Variants in LGALS1 observed in about 807,000 individuals in gnomAD.
The protein encoded by LGALS1 is galectin-1.
A neutral mutation model predicts 14.4 loss-of-function variants in LGALS1; 14 were observed. The observed-to-expected ratio is 0.97, with a 90% CI of 0.64 to 1.52. The LOEUF is 1.52. LGALS1 is among the 40% of genes most tolerant of loss of function. The pLI, the probability that LGALS1 is intolerant of heterozygous loss-of-function variation, is 0.00. For synonymous variants in LGALS1, 71 were observed against 73.4 expected, an observed-to-expected ratio of 0.97 and a Z score of 0.17; for missense variants, 170 against 181.4, an observed-to-expected ratio of 0.94 and a Z score of 0.36.
chr22:37,675,912 A>G (rs1016610691), intron 1 of LGALS1, among the ~76,000 whole-genome samples: 17 of 152,270 alleles, frequency 1.1e-4, no homozygotes, highest in Admixed American at 9.2e-4. Flanking sequence ...CTGCATTGAT[A>G]ATTGTCTGGA....
At chr22:37,677,134 C>A in intron 2 of LGALS1, 69 bp downstream of exon 2, 1 of 1,463,838 alleles carries the variant, frequency 6.8e-7, no homozygotes, top group Non-Finnish European at 9.5e-7. Context: ...CGTGGCCGGC[C>A]AAGCCCACAT....
chr22:37,678,085 G>C (rs1921500016), intron 2 of LGALS1, among the ~76,000 whole-genome samples: 1 of 152,056 alleles, frequency 6.6e-6, no homozygotes, highest in Non-Finnish European at 1.5e-5. Flanking sequence ...CCGTGCCCGG[G>C]AGTATTATTA....
Position 37,675,766 on chromosome 22 carries a change from C to T in LGALS1, c.9+55C>T, listed in dbSNP as rs995523869. ...AGGGGATAGGGCAGGAACTGATGGC[C>T]AGAGGAGAGCTGGGCAGATCGGGAG... On this transcript the variant is annotated intron_variant, in intron 1 of 3. Coordinates refer to ENST00000215909, the MANE Select transcript of LGALS1 (RefSeq NM_002305.4). 4.8e-6 allele frequency: 7 copies of T among 1,445,068 alleles called. No individual in the cohort carries two copies. In the African/African-American group the frequency reaches 8.7e-5, roughly 18 times the overall value. The allele number at this position is 1,445,068 out of a possible 1,614,324, so 89.5% of individuals were successfully genotyped here. A position where few individuals can be genotyped will look rare whatever the true frequency, so the allele number is the denominator to read the frequency against.
chr22:37,676,918 C>G, intron 1 of LGALS1, 68 bp from the exon 2 acceptor site: 2 of 1,550,946 alleles, frequency 1.3e-6, no homozygotes, highest in Non-Finnish European at 1.8e-6. Flanking sequence ...CCCCCAGCCA[C>G]CCCCGGACAC....
chr22:37,678,380 T>C (rs751726668), intron 2 of LGALS1, 103 bp from the exon 3 acceptor site: 5 of 1,289,788 alleles, frequency 3.9e-6, no homozygotes, highest in Non-Finnish European at 5.5e-6. Flanking sequence ...TGTTAGTGAG[T>C]TCTTCCAGCA....
At position 37,675,802 on chromosome 22, in the gene LGALS1, C is replaced by A. The variant is rs948692950; in HGVS notation, c.9+91C>A. 7 of 1,223,246 alleles carry A rather than the reference C, an allele frequency of 5.7e-6. No homozygotes were observed. In the Admixed American group the frequency reaches 1.9e-4, roughly 33 times the overall value. 75.8% of individuals were successfully genotyped at this position (1,223,246 alleles called of 1,614,324 possible). On this transcript the variant is annotated intron_variant, in intron 1 of 3. Coordinates refer to ENST00000215909, the MANE Select transcript of LGALS1 (RefSeq NM_002305.4). ...TGGGCAGATCGGGAGCAGATTCTAG[C>A]CCCAGCTGTGTGGCCTGGAACCAGT...
chr22:37,678,194 C>T lies in LGALS1; in HGVS notation c.90-289C>T, dbSNP rs1044387062. Among the ~76,000 whole-genome samples, 10 of 152,150 alleles carry T rather than the reference C, an allele frequency of 6.6e-5. 1 individual carries two copies. Among genetic ancestry groups the T allele is most frequent in the East Asian group, 5.8e-4 (3 of 5,198 alleles). On this transcript the variant is annotated intron_variant, in intron 2 of 3. Transcript: ENST00000215909. ...GAATACAGAGATGTACAAGACAGGA[C>T]GGGAGGTCACCATCTGGAGGGAGTC...
intron 2 of LGALS1, chr22:37,677,429 C>T (rs940333659): frequency 3.5e-6 from 1 of 289,808 alleles, no homozygotes; most frequent in Non-Finnish European, 6.8e-6. Context: ...TCCCTCCTTC[C>T]TGCGTCTGGT....
Position 37,675,686 on chromosome 22 carries a change from T to A in LGALS1, c.-17T>A. On this transcript the variant is annotated 5_prime_UTR_variant, in exon 1 of 4. Coordinates refer to ENST00000215909, the MANE Select transcript of LGALS1 (RefSeq NM_002305.4). Reference sequence around the variant, plus strand: ...CAGCTGGTGCGCCTGCCCGGGAACATCCTCCTGGACTCAATCATGGCTTGT... The same window carrying A: ...CAGCTGGTGCGCCTGCCCGGGAACAACCTCCTGGACTCAATCATGGCTTGT... 6.5e-7 allele frequency: 1 copy of A among 1,548,838 alleles called. No homozygotes were observed. The highest frequency in any genetic ancestry group is 8.7e-7 in the Non-Finnish European group (1 of 1,146,720).
chr22:37,678,831 C>G (rs1048669978), intron 3 of LGALS1, among the ~76,000 whole-genome samples, 177 bp downstream of exon 3: 1 of 151,734 alleles, frequency 6.6e-6, no homozygotes, highest in Non-Finnish European at 1.5e-5. Flanking sequence ...TACAATAAAA[C>G]GAAGGGGAAA....
At chr22:37,675,808 C>A in intron 1 of LGALS1, 97 bp downstream of exon 1, 1 of 1,142,878 alleles carries the variant, frequency 8.7e-7, no homozygotes, top group Non-Finnish European at 1.2e-6. Flanking sequence ...CTAGCCCCAG[C>A]TGTGTGGCCT....
At chr22:37,677,797 T>C (rs2145789219) in intron 2 of LGALS1, among the ~76,000 whole-genome samples, 1 of 152,256 alleles carries the variant, frequency 6.6e-6, no homozygotes, top group East Asian at 1.9e-4. Context: ...TATTTATTTA[T>C]TTTTTGAGAC....
In LGALS1 at chr22:37,679,621, C is replaced by A. The variant is rs1921565110; in HGVS notation, c.280C>A (p.Gln94Lys). 1 of 1,607,064 alleles carries A rather than the reference C, an allele frequency of 6.2e-7. No individual in the cohort carries two copies. The highest frequency in any genetic ancestry group is 1.1e-5 in the South Asian group (1 of 89,618). ...CCCCCAGGTGTGCATCACCTTCGAC[C>A]AGGCCAACCTGACCGTCAAGCTGCC... is the stretch of plus-strand genomic sequence containing the variant. ...SVAEVCITFD[Q>K]ANLTVKLPDG... Residue 94 changes from glutamine to lysine, a missense_variant, in exon 4 of 4, where the codon CAG becomes AAG. Gln to Lys is a moderately conservative substitution (Grantham distance 53). Coordinates refer to ENST00000215909, the MANE Select transcript of LGALS1 (RefSeq NM_002305.4).
Position 37,675,720 on chromosome 22 carries a change from G to C in LGALS1, c.9+9G>C. ...ACTCAATCATGGCTTGTGTGAGTGT[G>C]GGGACCCCCCCCCAAGGTCCAGGGG... On this transcript the variant is annotated intron_variant, in intron 1 of 3. Transcript: ENST00000215909. The C allele has an allele frequency of 5.2e-6, 8 of 1,537,088 alleles. No individual in the cohort carries two copies. The highest frequency in any genetic ancestry group is 7.0e-6 in the Non-Finnish European group (8 of 1,140,370).
chr22:37,679,311 G>C (rs1354374369), intron 3 of LGALS1, among the ~76,000 whole-genome samples: 1 of 139,412 alleles, frequency 7.2e-6, no homozygotes, highest in Non-Finnish European at 1.6e-5. Context: ...CACAACTGTA[G>C]TCCTAGCTAC....
chr22:37,679,380 G>A (rs981699358), intron 3 of LGALS1, among the ~76,000 whole-genome samples: 2 of 150,610 alleles, frequency 1.3e-5, no homozygotes, highest in South Asian at 2.1e-4. Context: ...GCAGTGAGCC[G>A]AGATTATGCC....
intron 2 of LGALS1, among the ~76,000 whole-genome samples, chr22:37,678,000 G>A (rs1057363333): frequency 1.3e-5 from 2 of 152,088 alleles, no homozygotes; most frequent in Non-Finnish European, 2.9e-5. Context: ...GGCCAGGCTG[G>A]TCTCGAACTC....
chr22:37,676,303 G>A (rs1364768470), intron 1 of LGALS1: 2 of 152,688 alleles, frequency 1.3e-5, no homozygotes, highest in African/African-American at 4.8e-5. Context: ...AATCTTCCTC[G>A]GGCCCCAGGG....
At chr22:37,678,070 AG>A (rs781047302) in intron 2 of LGALS1, among the ~76,000 whole-genome samples, 3 of 152,174 alleles carry the variant, frequency 2.0e-5, no homozygotes, top group Non-Finnish European at 4.4e-5. Context: ...TACAGGCATG[AG>A]CCACCGTGCC....
Sources: gnomAD v4.1 joint callset for allele counts (sites outside exome capture counted in the v4.1 genomes callset) on GRCh38, gnomAD v4.1.1 for gene constraint, MANE v1.5 for transcripts, NCBI Gene and HGNC (gene_info 2026-07-23, HGNC 2026-07-21) for gene names.